The following DOCK9 variants were observed in gnomAD, a reference collection of about 807,000 sequenced individuals.
The protein encoded by DOCK9 is dedicator of cytokinesis protein 9.
Under a neutral mutation model 263.3 loss-of-function variants are expected in DOCK9, and 89 were observed. The ratio of observed to expected loss-of-function variants is 0.34; its 90% CI spans 0.28 to 0.40. The LOEUF (loss-of-function observed/expected upper bound fraction) is 0.40, where lower values mean the gene tolerates loss of function less well. Among genes scored for constraint, DOCK9 ranks in the 10% least tolerant of loss-of-function variants. The probability of loss-of-function intolerance (pLI) is 1.00; values close to 1 mark genes in which losing one functional copy is unlikely to be tolerated. For missense variants in DOCK9, 2,140 were observed against 2,603.4 expected, an observed-to-expected ratio of 0.82 and a Z score of 3.87; for synonymous variants, 976 against 973.1, an observed-to-expected ratio of 1.00 and a Z score of -0.06.
At chr13:98,912,176 A>G (rs1038254632) in intron 9 of DOCK9, among the ~76,000 whole-genome samples, 4 of 152,290 alleles carry the variant, frequency 2.6e-5, no homozygotes, top group African/African-American at 9.6e-5. Context: ...CCGACCTAAA[A>G]AAAACTTCTT....
At chr13:99,079,047 T>G (rs2042021676) in intron 1 of DOCK9, among the ~76,000 whole-genome samples, 1 of 152,226 alleles carries the variant, frequency 6.6e-6, no homozygotes, top group Non-Finnish European at 1.5e-5. Flanking sequence ...AATAATTTTA[T>G]GACAGGTACA....
intron 10 of DOCK9, 39 bp from the exon 11 acceptor site, chr13:98,903,151 C>G (rs1041520699): frequency 6.3e-6 from 9 of 1,430,118 alleles, no homozygotes; most frequent in South Asian, 1.5e-5. Context: ...AAGTTATGCT[C>G]TTATTTTAAA....
intron 1 of DOCK9, among the ~76,000 whole-genome samples, chr13:98,962,520 C>T (rs9557099): frequency 0.54 from 81,696 of 151,942 alleles, 22,175 homozygotes; most frequent in East Asian, 0.75. Flanking sequence ...TGTGAGGCTG[C>T]TGCTGGACTC....
upstream of DOCK9, among the ~76,000 whole-genome samples, chr13:98,981,579 G>C (rs1302727194): frequency 6.6e-6 from 1 of 152,178 alleles, no homozygotes; most frequent in Non-Finnish European, 1.5e-5. Context: ...CCTTCCAGCT[G>C]GCCCACCTTA....
intron 39 of DOCK9, among the ~76,000 whole-genome samples, chr13:98,833,347 G>A (rs1334096706): frequency 6.6e-6 from 1 of 152,144 alleles, no homozygotes; most frequent in African/African-American, 2.4e-5. Context: ...CTGGATTAAG[G>A]TTTGGGTGAA....
At chr13:99,074,721 C>G (rs2041838411) in intron 1 of DOCK9, among the ~76,000 whole-genome samples, 1 of 152,220 alleles carries the variant, frequency 6.6e-6, no homozygotes, top group Non-Finnish European at 1.5e-5. Flanking sequence ...CTTTAAAAAT[C>G]CACTTGTAAC....
intron 1 of DOCK9, among the ~76,000 whole-genome samples, chr13:99,043,391 C>T (rs1888660794): frequency 6.6e-6 from 1 of 152,122 alleles, no homozygotes; most frequent in Non-Finnish European, 1.5e-5. Context: ...GGGGAATCCA[C>T]CCATCCCGGA....
chr13:98,798,521 ACCTGAAGACGAC>A (rs71823366), intron 50 of DOCK9, among the ~76,000 whole-genome samples: 50,476 of 151,946 alleles, frequency 0.33, 8,750 homozygotes, highest in Admixed American at 0.36. Flanking sequence ...TGTATTCATC[ACCTGAAGACGAC>A]CAAAATGACT....
upstream of DOCK9, among the ~76,000 whole-genome samples, chr13:98,981,392 C>G (rs1308243738): frequency 6.6e-6 from 1 of 152,154 alleles, no homozygotes; most frequent in East Asian, 1.9e-4. Flanking sequence ...GCCTCACACA[C>G]AGATTTATGT....
At chr13:98,908,112 G>A (rs910761095) in intron 9 of DOCK9, among the ~76,000 whole-genome samples, 5 of 152,222 alleles carry the variant, frequency 3.3e-5, no homozygotes, top group Admixed American at 1.3e-4. Flanking sequence ...ACACAAGACA[G>A]AAGAAAACAA....
intron 33 of DOCK9, 140 bp downstream of exon 33, chr13:98,860,265 C>A (rs1848373404): frequency 3.4e-6 from 5 of 1,469,184 alleles, no homozygotes; most frequent in Non-Finnish European, 4.5e-6. Context: ...TTGACTATCA[C>A]AAGCAGGAAA....
chr13:98,805,587 T>C (rs1288361670), intron 48 of DOCK9, among the ~76,000 whole-genome samples: 1 of 152,136 alleles, frequency 6.6e-6, no homozygotes, highest in Non-Finnish European at 1.5e-5. Flanking sequence ...CCTAATACCA[T>C]CCAATACCCA....
intron 1 of DOCK9, among the ~76,000 whole-genome samples, chr13:98,974,978 T>C (rs1293448323): frequency 1.3e-5 from 2 of 152,128 alleles, no homozygotes; most frequent in Non-Finnish European, 2.9e-5. Context: ...TAAGATCTAC[T>C]TACAGGTACA....
chr13:98,927,219 T>C (rs1321945825), intron 3 of DOCK9, among the ~76,000 whole-genome samples: 2 of 152,276 alleles, frequency 1.3e-5, no homozygotes, highest in African/African-American at 4.8e-5. Flanking sequence ...TATTTTAAAA[T>C]GCTATTTTAT....
At chr13:99,025,214 G>T (rs7491972) in intron 1 of DOCK9, 1 of 152,206 alleles carries the variant, frequency 6.6e-6, no homozygotes, top group Non-Finnish European at 1.5e-5. Flanking sequence ...TATCCCTCCC[G>T]GTCAATTAAA....
rs879004692 is a variant in DOCK9 at position 98,883,958 on chromosome 13, G to A, written c.2383-59C>T. 3.2e-6 allele frequency: 4 copies of A among 1,247,926 alleles called. No homozygotes were observed. In the South Asian group the frequency reaches 5.4e-5, roughly 17 times the overall value. 77.3% of individuals were successfully genotyped at this position (1,247,926 alleles called of 1,614,324 possible). The stretch of plus-strand genomic sequence containing the variant: ...AGATTAGTTATTTTGGCTCTAACAT[G>A]ATCATCAATGAGGGTAATGATGAGG... On this transcript the variant is annotated intron_variant, in intron 21 of 52. Transcript: ENST00000682017.
chr13:98,793,703 T>C lies in DOCK9; in HGVS notation c.*923A>G, dbSNP rs1413740546. On this transcript the variant is annotated 3_prime_UTR_variant, in exon 53 of 53. Coordinates refer to ENST00000682017, the MANE Select transcript of DOCK9 (RefSeq NM_001366683.2). ...TTTACCAATTACATACTCCACCATT[T>C]TGGCAAAAGGATGAAATTCTTAAAA... The C allele has an allele frequency of 2.6e-5, 4 of 152,672 alleles. No homozygotes were observed. Among genetic ancestry groups the C allele is most frequent in the African/African-American group, 7.2e-5 (3 of 41,460 alleles). 9.5% of individuals were successfully genotyped at this position (152,672 alleles called of 1,614,324 possible).
upstream of DOCK9, among the ~76,000 whole-genome samples, chr13:99,086,904 G>C (rs2042361032): frequency 6.6e-6 from 1 of 151,954 alleles, no homozygotes; most frequent in Non-Finnish European, 1.5e-5. Context: ...GACCGGAGGA[G>C]GGGACTGCGC....
At chr13:98,966,199 A>C (rs1595709315) in intron 1 of DOCK9, among the ~76,000 whole-genome samples, 2 of 152,248 alleles carry the variant, frequency 1.3e-5, no homozygotes, top group East Asian at 3.9e-4. Context: ...GGGGAGTCAC[A>C]TGAGGAGAGA....
Sources: allele counts gnomAD v4.1 joint callset (sites outside exome capture counted in the v4.1 genomes callset), GRCh38; gene constraint gnomAD v4.1.1; transcripts MANE v1.5; gene names NCBI Gene and HGNC (gene_info 2026-07-23, HGNC 2026-07-21).